Variants in FGF12 observed in about 807,000 individuals in gnomAD.
The protein encoded by FGF12 is fibroblast growth factor 12, also known as fibroblast growth factor 12B.
In FGF12, 14 loss-of-function variants were observed where a neutral mutation model predicts 23.6. The observed-to-expected ratio is 0.59, with a 90% CI of 0.39 to 0.93. The LOEUF (loss-of-function observed/expected upper bound fraction) is 0.93, where lower values mean the gene tolerates loss of function less well. Among genes scored for constraint, FGF12 ranks in the 40% least tolerant of loss-of-function variants. The pLI is 0.00. For missense variants in FGF12, 175 were observed against 217.8 expected (o/e 0.80, Z 1.24); for synonymous variants, 62 against 77.3 (o/e 0.80, Z 1.04).
chr3:192,253,440 G>A (rs1712167885), intron 4 of FGF12, among the ~76,000 whole-genome samples: 1 of 151,612 alleles, frequency 6.6e-6, no homozygotes, highest in Non-Finnish European at 1.5e-5. Flanking sequence ...AAGGGAAAAG[G>A]GAAGAACAAA....
At chr3:192,353,837 G>T (rs531174581) in intron 3 of FGF12, among the ~76,000 whole-genome samples, 18 of 152,250 alleles carry the variant, frequency 1.2e-4, no homozygotes, top group African/African-American at 4.3e-4. Context: ...TTATTTGGAG[G>T]CACTATCTTT....
chr3:192,645,925 G>T (rs921548006), intron 2 of FGF12, among the ~76,000 whole-genome samples: 1 of 152,072 alleles, frequency 6.6e-6, no homozygotes, highest in Non-Finnish European at 1.5e-5. Context: ...AGGAATAGCA[G>T]GGGCCATGTA....
chr3:192,467,287 C>T (rs1723038613), intron 2 of FGF12, among the ~76,000 whole-genome samples: 1 of 152,192 alleles, frequency 6.6e-6, no homozygotes, highest in African/African-American at 2.4e-5. Flanking sequence ...TTCACTCTCC[C>T]TCTATGGGCA....
intron 4 of FGF12, among the ~76,000 whole-genome samples, chr3:192,267,312 C>T (rs1186028148): frequency 6.6e-6 from 1 of 152,154 alleles, no homozygotes; most frequent in Admixed American, 6.6e-5. Flanking sequence ...TCTGATTCAT[C>T]TTTATGCCAA....
chr3:192,177,489 C>A (rs1715924694), intron 4 of FGF12, among the ~76,000 whole-genome samples: 2 of 152,180 alleles, frequency 1.3e-5, no homozygotes, highest in Admixed American at 1.3e-4. Context: ...GCATGCTTTC[C>A]AACTCAAGTA....
intron 4 of FGF12, among the ~76,000 whole-genome samples, chr3:192,182,350 C>T (rs1035808129): frequency 2.0e-5 from 3 of 152,050 alleles, no homozygotes; most frequent in South Asian, 2.1e-4. Flanking sequence ...AGACTACAGA[C>T]CTCCAATTAC....
rs552059951 is a variant in FGF12 at position 192,591,031 on chromosome 3, A to G, written c.13+136150T>C. Among the ~76,000 whole-genome samples, 8 of 151,454 alleles carry G rather than the reference A, an allele frequency of 5.3e-5. No individual in the cohort carries two copies. In the East Asian group the frequency reaches 1.6e-3, roughly 29 times the overall value. On this transcript the variant is annotated intron_variant, in intron 2 of 5. Coordinates refer to ENST00000445105, the MANE Select transcript of FGF12 (RefSeq NM_004113.6). ...CTCCTCAAGGGGCCTTGCCTTCCTC[A>G]GTCCAATCAGGTCACCTCTCTTCAT...
At chr3:192,338,508 C>G (rs1486248871) in intron 3 of FGF12, among the ~76,000 whole-genome samples, 1 of 152,148 alleles carries the variant, frequency 6.6e-6, no homozygotes, top group Non-Finnish European at 1.5e-5. Flanking sequence ...CTTGAGGAAT[C>G]CTTCCTTAAA....
intron 4 of FGF12, among the ~76,000 whole-genome samples, chr3:192,329,966 C>A (rs1220248594): frequency 1.1e-4 from 17 of 152,182 alleles, no homozygotes; most frequent in African/African-American, 3.1e-4. Context: ...TTTATTTACT[C>A]TATTTTTTAA....
intron 2 of FGF12, among the ~76,000 whole-genome samples, chr3:192,708,313 G>A (rs190298438): frequency 4.9e-4 from 75 of 152,198 alleles, no homozygotes; most frequent in African/African-American, 8.7e-4. Context: ...GATGAAAGGC[G>A]TTTCAAAAGT....
intron 2 of FGF12, among the ~76,000 whole-genome samples, chr3:192,642,303 G>T (rs968206308): frequency 6.6e-6 from 1 of 152,070 alleles, no homozygotes; most frequent in Non-Finnish European, 1.5e-5. Context: ...CCGAGAATTC[G>T]AAACACTTTC....
intron 2 of FGF12, among the ~76,000 whole-genome samples, chr3:192,413,245 A>T (rs1044154032): frequency 6.6e-6 from 1 of 152,198 alleles, no homozygotes; most frequent in African/African-American, 2.4e-5. Flanking sequence ...TGCATTGTCC[A>T]CAGATTACAT....
chr3:192,466,168 G>GT (rs770880954), intron 2 of FGF12, among the ~76,000 whole-genome samples: 1 of 152,200 alleles, frequency 6.6e-6, no homozygotes, highest in African/African-American at 2.4e-5. Context: ...TGTAACAGCA[G>GT]TAAGTATTAG....
chr3:192,247,023 GGGAAGGAAAGAAGGAAGGAA>G (rs1711640782), intron 4 of FGF12, among the ~76,000 whole-genome samples: 5 of 130,054 alleles, frequency 3.8e-5, no homozygotes, highest in Non-Finnish European at 1.6e-5. Flanking sequence ...AAGGGAGGGA[GGGAAGGAAAGAAGGAAGGAA>G]GGAAGGAAGG....
chr3:192,440,858 T>C (rs1292874425), intron 2 of FGF12, among the ~76,000 whole-genome samples: 1 of 152,208 alleles, frequency 6.6e-6, no homozygotes, highest in Admixed American at 6.5e-5. Context: ...TATACCAATC[T>C]GGTGATGACA....
At chr3:192,145,507 G>C (rs1713644976) in intron 5 of FGF12, among the ~76,000 whole-genome samples, 1 of 152,200 alleles carries the variant, frequency 6.6e-6, no homozygotes, top group African/African-American at 2.4e-5. Context: ...TTATGAATCA[G>C]AAGGATTGTA....
At chr3:192,156,417 T>C (rs1222097473) in intron 5 of FGF12, among the ~76,000 whole-genome samples, 2 of 152,212 alleles carry the variant, frequency 1.3e-5, no homozygotes, top group African/African-American at 4.8e-5. Context: ...GGTATGATGT[T>C]ATAGATAGTA....
intron 2 of FGF12, among the ~76,000 whole-genome samples, chr3:192,447,036 A>G (rs1383845350): frequency 1.3e-5 from 2 of 152,222 alleles, no homozygotes; most frequent in African/African-American, 4.8e-5. Context: ...TTGTAGATAA[A>G]CTTTCCTAAT....
intron 2 of FGF12, among the ~76,000 whole-genome samples, chr3:192,383,828 C>G (rs1013955367): frequency 6.6e-5 from 10 of 152,026 alleles, no homozygotes; most frequent in African/African-American, 2.4e-4. Context: ...GTTGGAGGCA[C>G]CAAGTGGAAG....
Sources: gnomAD v4.1 joint callset for allele counts (sites outside exome capture counted in the v4.1 genomes callset) on GRCh38, gnomAD v4.1.1 for gene constraint, MANE v1.5 for transcripts, NCBI Gene and HGNC (gene_info 2026-07-23, HGNC 2026-07-21) for gene names.